Variants in SEMA6D observed in about 807,000 individuals in gnomAD.
SEMA6D encodes the protein semaphorin 6D.
Under a neutral mutation model 106.6 loss-of-function variants are expected in SEMA6D, and 35 were observed. The ratio of observed to expected loss-of-function variants is 0.33; its 90% CI spans 0.25 to 0.44. The LOEUF (loss-of-function observed/expected upper bound fraction) is 0.44. SEMA6D is among the 20% of genes least tolerant of loss of function. The probability of loss-of-function intolerance (pLI) is 1.00; values close to 1 mark genes in which losing one functional copy is unlikely to be tolerated. For synonymous variants in SEMA6D, 499 were observed against 487.7 expected (o/e 1.02, Z -0.31); for missense variants, 1,185 against 1,345.9 (o/e 0.88, Z 1.87).
intron 4 of SEMA6D, among the ~76,000 whole-genome samples, chr15:47,648,144 A>G (rs995834918): frequency 6.6e-6 from 1 of 152,164 alleles, no homozygotes; most frequent in Non-Finnish European, 1.5e-5. Context: ...GATACAAAAT[A>G]TATACAGCAG....
intron 3 of SEMA6D, chr15:47,527,780 A>T (rs1200453795): frequency 1.3e-5 from 2 of 152,218 alleles, no homozygotes; most frequent in African/African-American, 2.4e-5. Context: ...TTTCATGAAA[A>T]TTTCTGTAAA....
intron 1 of SEMA6D, among the ~76,000 whole-genome samples, chr15:47,729,497 G>A (rs1410377989): frequency 6.6e-6 from 1 of 152,164 alleles, no homozygotes; most frequent in Non-Finnish European, 1.5e-5. Context: ...TTCAGCAAAG[G>A]GTAGTTGAAG....
chr15:47,580,446 G>T (rs1276533176), intron 3 of SEMA6D, among the ~76,000 whole-genome samples: 1 of 152,184 alleles, frequency 6.6e-6, no homozygotes, highest in Non-Finnish European at 1.5e-5. Flanking sequence ...TGAATCACCT[G>T]CAATAGATTT....
intron 3 of SEMA6D, among the ~76,000 whole-genome samples, chr15:47,490,668 G>A (rs7183347): frequency 0.38 from 58,223 of 151,846 alleles, 12,338 homozygotes; most frequent in African/African-American, 0.58. Context: ...AATACAAATA[G>A]AAGCTACAAA....
At chr15:47,629,942 T>C (rs1365437108) in intron 4 of SEMA6D, among the ~76,000 whole-genome samples, 4 of 152,004 alleles carry the variant, frequency 2.6e-5, no homozygotes, top group Non-Finnish European at 4.4e-5. Context: ...TCTTTATCCA[T>C]TCATTAATTG....
intron 17 of SEMA6D, chr15:47,767,359 C>T (rs577945301): frequency 7.0e-5 from 21 of 299,888 alleles, no homozygotes; most frequent in East Asian, 4.2e-4. Flanking sequence ...GCTGCACGCA[C>T]GCCCACCCAA....
chr15:47,578,950 T>C (rs1423868790), intron 3 of SEMA6D, among the ~76,000 whole-genome samples: 5 of 152,036 alleles, frequency 3.3e-5, no homozygotes, highest in African/African-American at 1.2e-4. Flanking sequence ...CTATCTTGCA[T>C]ATGTGGACCC....
intron 1 of SEMA6D, among the ~76,000 whole-genome samples, chr15:47,408,579 A>G (rs2040675777): frequency 6.6e-6 from 1 of 152,206 alleles, no homozygotes; most frequent in Admixed American, 6.5e-5. Context: ...TGAGGTTGCT[A>G]TGTATATTCT....
chr15:47,727,863 T>C (rs974950536), intron 1 of SEMA6D, among the ~76,000 whole-genome samples: 11 of 152,236 alleles, frequency 7.2e-5, no homozygotes, highest in Non-Finnish European at 1.5e-4. Flanking sequence ...GGTGATTGCC[T>C]GCTGCGGTCA....
At chr15:47,223,842 A>G (rs1371536208) in intron 1 of SEMA6D, among the ~76,000 whole-genome samples, 1 of 152,074 alleles carries the variant, frequency 6.6e-6, no homozygotes, top group Non-Finnish European at 1.5e-5. Flanking sequence ...TTCTTTGGTT[A>G]CATTCTCTTA....
At chr15:47,632,018 T>G (rs2077301389) in intron 4 of SEMA6D, among the ~76,000 whole-genome samples, 1 of 151,970 alleles carries the variant, frequency 6.6e-6, no homozygotes, top group South Asian at 2.1e-4. Context: ...TTTTAAAATT[T>G]CCTTTGAGAC....
intron 1 of SEMA6D, among the ~76,000 whole-genome samples, chr15:47,721,880 A>G (rs375358087): frequency 9.9e-5 from 15 of 152,212 alleles, no homozygotes; most frequent in African/African-American, 3.4e-4. Context: ...TAGATCATCC[A>G]TCATCCTGTC....
At chr15:47,689,667 C>G (rs954117780) in intron 4 of SEMA6D, among the ~76,000 whole-genome samples, 2 of 152,174 alleles carry the variant, frequency 1.3e-5, no homozygotes, top group Admixed American at 1.3e-4. Flanking sequence ...AGGAGAGAGA[C>G]TGGTCTTTAG....
chr15:47,592,010 A>C (rs999822644), intron 3 of SEMA6D, among the ~76,000 whole-genome samples: 1 of 152,178 alleles, frequency 6.6e-6, no homozygotes, highest in African/African-American at 2.4e-5. Flanking sequence ...GGAAAGGGGA[A>C]TGAGAGTGAA....
At chr15:47,436,219 G>A (rs775172448) in intron 2 of SEMA6D, among the ~76,000 whole-genome samples, 9 of 151,834 alleles carry the variant, frequency 5.9e-5, no homozygotes, top group South Asian at 2.1e-4. Flanking sequence ...GTGAAACTCC[G>A]TCTCTACTAA....
At position 47,770,957 on chromosome 15, in the gene SEMA6D, T is replaced by C. The variant is rs767665157; in HGVS notation, c.2394T>C (p.His798=). 7 of 1,614,122 alleles carry C rather than the reference T, an allele frequency of 4.3e-6. No individual in the cohort carries two copies. The highest frequency in any genetic ancestry group is 2.5e-6 in the Non-Finnish European group (3 of 1,180,006). ...GCCACTCAGAAAAGGCCCATGGCCA[T>C]GGAGCTTCAAGGAAAGAAACCCCTC... ...MKSHSEKAHG[H]GASRKETPQF... The change falls in exon 19 of 19, where the codon CAT becomes CAC. Residue 798 remains histidine, a synonymous_variant. Transcript: ENST00000536845.
chr15:47,454,778 G>A lies in SEMA6D; in HGVS notation c.-158-15696G>A, dbSNP rs151057182. Among the ~76,000 whole-genome samples, 882 of 151,940 alleles carry A rather than the reference G, an allele frequency of 5.8e-3. 6 individuals are homozygous for A. The highest frequency in any genetic ancestry group is 0.016 in the Admixed American group (250 of 15,226). On this transcript the variant is annotated intron_variant, in intron 2 of 19. Coordinates refer to the SEMA6D transcript ENST00000558014. ...ATTACAGAGTTACCCCTTTTAAAAC[G>A]CAGATGCTTTGTAAATGAATTATGC...
chr15:47,323,499 G>A (rs1190955786), intron 1 of SEMA6D, among the ~76,000 whole-genome samples: 1 of 152,092 alleles, frequency 6.6e-6, no homozygotes, highest in Non-Finnish European at 1.5e-5. Context: ...TCTATGGGTG[G>A]GCTTGGGAAA....
At chr15:47,261,408 C>A (rs529479189) in intron 1 of SEMA6D, among the ~76,000 whole-genome samples, 2 of 152,216 alleles carry the variant, frequency 1.3e-5, no homozygotes, top group East Asian at 3.9e-4. Context: ...TTAAAAAGTG[C>A]ATTATTTTCC....
Sources: allele counts gnomAD v4.1 joint callset (sites outside exome capture counted in the v4.1 genomes callset), GRCh38; gene constraint gnomAD v4.1.1; transcripts MANE v1.5; gene names NCBI Gene and HGNC (gene_info 2026-07-23, HGNC 2026-07-21).